Variants in BMPR1A observed in about 807,000 individuals in gnomAD.
BMPR1A encodes the protein bone morphogenetic protein receptor type 1A.
Under a neutral mutation model 66.0 loss-of-function variants are expected in BMPR1A, and 7 were observed. The observed-to-expected ratio is 0.11, with a 90% confidence interval of 0.06 to 0.20. The LOEUF (loss-of-function observed/expected upper bound fraction) is 0.20. Ranked by LOEUF, BMPR1A falls within the 10% of genes least tolerant of loss-of-function variation. The probability of loss-of-function intolerance (pLI) is 1.00; values close to 1 mark genes in which losing one functional copy is unlikely to be tolerated. For synonymous variants in BMPR1A, 200 were observed against 229.7 expected, an observed-to-expected ratio of 0.87 and a Z score of 1.17; for missense variants, 408 against 669.1, an observed-to-expected ratio of 0.61 and a Z score of 4.31.
chr10:86,812,175 G>T (rs147073539), intron 1 of BMPR1A, among the ~76,000 whole-genome samples: 4 of 152,188 alleles, frequency 2.6e-5, no homozygotes, highest in African/African-American at 9.6e-5. Context: ...TTCAGTCACC[G>T]GAAAACCTCC....
At chr10:86,889,957 A>T in intron 3 of BMPR1A, 105 bp from the exon 4 acceptor site, 1 of 1,219,888 alleles carries the variant, frequency 8.2e-7, no homozygotes, top group Non-Finnish European at 1.2e-6. Context: ...GCTAGCTACA[A>T]TTATTGTGAT....
chr10:86,758,395 T>G (rs1203418234), intron 1 of BMPR1A, among the ~76,000 whole-genome samples: 1 of 151,768 alleles, frequency 6.6e-6, no homozygotes, highest in Non-Finnish European at 1.5e-5. Flanking sequence ...GTCTTTCTTA[T>G]TAGTTAACAC....
chr10:86,833,465 A>G (rs888974702), intron 1 of BMPR1A, among the ~76,000 whole-genome samples: 1 of 152,204 alleles, frequency 6.6e-6, no homozygotes, highest in East Asian at 1.9e-4. Context: ...TCAGAGCTAG[A>G]ATGAGCAGCA....
At chr10:86,912,121 A>T (rs1843498719) in intron 7 of BMPR1A, 119 bp from the exon 8 acceptor site, 1 of 1,074,206 alleles carries the variant, frequency 9.3e-7, no homozygotes, top group East Asian at 2.6e-5. Context: ...CAATGATAAG[A>T]CTAATTTGGA....
At chr10:86,864,146 A>G (rs986391464) in intron 2 of BMPR1A, among the ~76,000 whole-genome samples, 4 of 152,162 alleles carry the variant, frequency 2.6e-5, no homozygotes, top group African/African-American at 9.7e-5. Flanking sequence ...TTTGCCTCGC[A>G]CAAGGTCTCT....
intron 1 of BMPR1A, among the ~76,000 whole-genome samples, chr10:86,794,824 C>A (rs1445685087): frequency 3.4e-5 from 5 of 148,312 alleles, no homozygotes; most frequent in Non-Finnish European, 7.4e-5. Flanking sequence ...ATATCTATAT[C>A]TATAGATATA....
upstream of BMPR1A, chr10:86,755,949 G>A (rs981292707): frequency 2.0e-4 from 31 of 152,272 alleles, 1 homozygote; most frequent in Admixed American, 1.8e-3. Context: ...AGCCCGGGAA[G>A]AGACGCCGGG....
intron 3 of BMPR1A, among the ~76,000 whole-genome samples, chr10:86,882,039 C>T (rs1456689030): frequency 1.3e-5 from 2 of 150,598 alleles, no homozygotes; most frequent in African/African-American, 4.9e-5. Flanking sequence ...GAAATATTTA[C>T]AGATAAATGG....
chr10:86,891,310 G>T (rs11202247), intron 4 of BMPR1A, among the ~76,000 whole-genome samples: 9,377 of 152,164 alleles, frequency 0.062, 693 homozygotes, highest in African/African-American at 0.17. Flanking sequence ...GATGTAATGG[G>T]CTGTCTGTTA....
At chr10:86,890,267 A>G (rs1843129415) in intron 4 of BMPR1A, 43 bp downstream of exon 4, 1 of 1,600,326 alleles carries the variant, frequency 6.2e-7, no homozygotes, top group Admixed American at 1.7e-5. Flanking sequence ...AGGAGAATAG[A>G]GTTGCATTTA....
At chr10:86,765,776 A>C (rs1841151934) in intron 1 of BMPR1A, among the ~76,000 whole-genome samples, 1 of 152,160 alleles carries the variant, frequency 6.6e-6, no homozygotes, top group Non-Finnish European at 1.5e-5. Context: ...GAAGTAATGA[A>C]AGTCTTCTGT....
At chr10:86,787,448 T>C (rs1841532743) in intron 1 of BMPR1A, among the ~76,000 whole-genome samples, 1 of 152,210 alleles carries the variant, frequency 6.6e-6, no homozygotes, top group Non-Finnish European at 1.5e-5. Context: ...AGTAATTAGA[T>C]TGGGAGTAAA....
At chr10:86,778,599 G>C (rs541152607) in intron 1 of BMPR1A, among the ~76,000 whole-genome samples, 1 of 152,052 alleles carries the variant, frequency 6.6e-6, no homozygotes. Flanking sequence ...TTTTTGTTCG[G>C]AACGTTTGAT....
At chr10:86,805,455 A>G (rs1208626365) in intron 1 of BMPR1A, among the ~76,000 whole-genome samples, 10 of 119,608 alleles carry the variant, frequency 8.4e-5, no homozygotes, top group East Asian at 3.3e-4. Context: ...TTACTATTTC[A>G]GTTTCCTTTT....
intron 2 of BMPR1A, among the ~76,000 whole-genome samples, chr10:86,853,752 G>A (rs139304582): frequency 0.046 from 6,986 of 152,296 alleles, 208 homozygotes; most frequent in South Asian, 0.078. Flanking sequence ...TTCAAAAGGG[G>A]AGGGAGTGTG....
chr10:86,886,670 T>TA (rs1367313751), intron 3 of BMPR1A, among the ~76,000 whole-genome samples: 3 of 152,078 alleles, frequency 2.0e-5, no homozygotes, highest in Admixed American at 2.0e-4. Flanking sequence ...TCTTTCCTGT[T>TA]ACTTTTCTTT....
In BMPR1A at chr10:86,786,999, T is replaced by C. The variant is rs1167041074; in HGVS notation, c.-268+30080T>C. 4.6e-5 allele frequency among the ~76,000 whole-genome samples: 7 copies of C among 152,260 alleles called. 1 individual carries two copies. The highest frequency in any genetic ancestry group is 1.0e-4 in the Non-Finnish European group (7 of 68,048). On this transcript the variant is annotated intron_variant, in intron 1 of 12. Transcript: ENST00000372037. Reference sequence around the variant, plus strand: ...CTAGTTTCTTAACAGTATTGAATAATATATTTTTAATTGTTTGAATTGTCA... The same window carrying C: ...CTAGTTTCTTAACAGTATTGAATAACATATTTTTAATTGTTTGAATTGTCA...
intron 1 of BMPR1A, among the ~76,000 whole-genome samples, chr10:86,812,618 T>C (rs531480044): frequency 3.3e-5 from 5 of 152,224 alleles, no homozygotes; most frequent in African/African-American, 1.2e-4. Context: ...ATGCTTGTTC[T>C]CTCCTTTTAC....
chr10:86,760,826 A>G (rs1455828447), intron 1 of BMPR1A, among the ~76,000 whole-genome samples: 1 of 152,200 alleles, frequency 6.6e-6, no homozygotes, highest in Non-Finnish European at 1.5e-5. Context: ...TCTTTTTAAC[A>G]TCACAAGGTC....
Sources: allele counts gnomAD v4.1 joint callset (sites outside exome capture counted in the v4.1 genomes callset), GRCh38; gene constraint gnomAD v4.1.1; transcripts MANE v1.5; gene names NCBI Gene and HGNC (gene_info 2026-07-23, HGNC 2026-07-21).